The following AP2A2 variants were observed in gnomAD, a reference collection of about 807,000 sequenced individuals.
AP2A2 encodes the protein adaptor related protein complex 2 subunit alpha 2.
Under a neutral mutation model 104.2 loss-of-function variants are expected in AP2A2, and 32 were observed. The ratio of observed to expected loss-of-function variants is 0.31; its 90% CI spans 0.23 to 0.41. AP2A2 has a LOEUF of 0.41. AP2A2 is among the 10% of genes least tolerant of loss of function. AP2A2 has a pLI of 1.00. For synonymous variants in AP2A2, 539 were observed against 533.3 expected, an observed-to-expected ratio of 1.01 and a Z score of -0.15; for missense variants, 912 against 1,261.0, an observed-to-expected ratio of 0.72 and a Z score of 4.19.
chr11:1,010,830 G>A lies in AP2A2; in HGVS notation c.*205G>A. 3.1e-6 allele frequency: 2 copies of A among 646,920 alleles called. No homozygotes were observed. The highest frequency in any genetic ancestry group is 5.6e-6 in the Non-Finnish European group (2 of 358,254). The allele number at this position is 646,920 out of a possible 1,614,324, so 40.1% of individuals were successfully genotyped here. On this transcript the variant is annotated 3_prime_UTR_variant, in exon 22 of 22. Transcript: ENST00000448903. ...GAGGAAAAGCTCAGCCTGGACTGTG[G>A]CAGCCACGGCAGAAGGTGGATCTTG...
At chr11:985,297 A>T in intron 7 of AP2A2, 138 bp from the exon 8 acceptor site, 1 of 1,207,158 alleles carries the variant, frequency 8.3e-7, no homozygotes, top group Non-Finnish European at 1.1e-6. Context: ...TCAGTTTTGT[A>T]AATGCTTCCA....
At chr11:929,283 TAGG>T (rs756714882) in intron 1 of AP2A2, among the ~76,000 whole-genome samples, 2 of 152,090 alleles carry the variant, frequency 1.3e-5, no homozygotes, top group Non-Finnish European at 2.9e-5. Context: ...GAGTGAATGA[TAGG>T]AGTAGTCGGG....
intron 21 of AP2A2, chr11:1,010,230 A>T: frequency 2.0e-6 from 1 of 508,908 alleles, no homozygotes. Flanking sequence ...TCTCCGTTTC[A>T]CTTGGGTGGC....
chr11:1,004,485 C>T (rs1856138026), intron 16 of AP2A2, among the ~76,000 whole-genome samples: 2 of 150,460 alleles, frequency 1.3e-5, no homozygotes, highest in South Asian at 2.1e-4. Context: ...AATAAATAAA[C>T]AGACTGGCCT....
At chr11:986,741 C>T in intron 8 of AP2A2, 44 bp from the exon 9 acceptor site, 2 of 1,598,332 alleles carry the variant, frequency 1.3e-6, no homozygotes, top group South Asian at 1.1e-5. Flanking sequence ...GTTTGTGTTG[C>T]ACTTGCTGAG....
At chr11:1,000,067 A>G (rs1359588592) in intron 14 of AP2A2, among the ~76,000 whole-genome samples, 26 of 151,930 alleles carry the variant, frequency 1.7e-4, no homozygotes, top group Non-Finnish European at 1.5e-5. Context: ...CGGCCTCCCA[A>G]AGTGCTGGGA....
intron 14 of AP2A2, chr11:996,229 A>T (rs1855853447): frequency 6.6e-6 from 1 of 152,440 alleles, no homozygotes; most frequent in African/African-American, 2.4e-5. Flanking sequence ...CAGTTGGGTG[A>T]GGAGGCGAGG....
intron 1 of AP2A2, among the ~76,000 whole-genome samples, chr11:949,937 GAACA>G (rs1053660789): frequency 1.3e-5 from 2 of 152,136 alleles, no homozygotes; most frequent in African/African-American, 4.8e-5. Context: ...ATGCAAAAAA[GAACA>G]GGATTGGAGG....
intron 1 of AP2A2, chr11:933,510 G>A: frequency 2.2e-6 from 1 of 456,142 alleles, no homozygotes; most frequent in South Asian, 1.5e-5. Flanking sequence ...CCGTGTAGAA[G>A]TGGGGGCTGA....
At chr11:936,441 T>A (rs775348379) in intron 1 of AP2A2, among the ~76,000 whole-genome samples, 2 of 152,156 alleles carry the variant, frequency 1.3e-5, no homozygotes, top group Non-Finnish European at 2.9e-5. Flanking sequence ...TTGCCCAGGC[T>A]GGAGTGCAAT....
chr11:973,842 G>A (rs184001343), intron 4 of AP2A2, among the ~76,000 whole-genome samples: 411 of 152,312 alleles, frequency 2.7e-3, no homozygotes, highest in Non-Finnish European at 3.9e-3. Context: ...AAGCTTCCTG[G>A]GCTCTGAGGT....
chr11:963,458 G>A (rs933115036), intron 2 of AP2A2, among the ~76,000 whole-genome samples: 3 of 152,122 alleles, frequency 2.0e-5, no homozygotes, highest in East Asian at 1.9e-4. Flanking sequence ...ACAAGGTACC[G>A]AGTTATTTTA....
At chr11:932,172 C>G (rs998228550) in intron 1 of AP2A2, among the ~76,000 whole-genome samples, 2 of 152,196 alleles carry the variant, frequency 1.3e-5, no homozygotes, top group African/African-American at 4.8e-5. Flanking sequence ...AGGCTGGTCT[C>G]GAACTCTTGG....
chr11:952,594 G>A (rs1357902076), intron 1 of AP2A2, among the ~76,000 whole-genome samples: 1 of 152,124 alleles, frequency 6.6e-6, no homozygotes, highest in Non-Finnish European at 1.5e-5. Context: ...AGTGCTGATG[G>A]GCTGGCTGCA....
chr11:1,008,428 G>T, intron 18 of AP2A2: 1 of 373,210 alleles, frequency 2.7e-6, no homozygotes. Flanking sequence ...GACAGCCAGG[G>T]CCCCCGCGCC....
rs1159376146 is a variant in AP2A2, at chr11:977,100, C to G, written c.479C>G (p.Thr160Ser). Residue 160 changes from threonine (T) to serine (S), a missense_variant, in exon 5 of 22, where the codon ACT becomes AGT. Physicochemically the swap from Thr to Ser is moderately conservative, Grantham distance 58. Coordinates refer to ENST00000448903, the MANE Select transcript of AP2A2 (RefSeq NM_012305.4). ...EIPKVLVAGD[T>S]MDSVKQSAAL... ...TCTTGACGTCTGTCTTTCAGAGACACTATGGACAGCGTGAAGCAGAGCGCG... is the reference window on the plus strand; with the variant it reads ...TCTTGACGTCTGTCTTTCAGAGACAGTATGGACAGCGTGAAGCAGAGCGCG... The G allele has an allele frequency of 2.8e-5, 45 of 1,613,686 alleles. No individual in the cohort carries two copies. Among genetic ancestry groups the G allele is most frequent in the Non-Finnish European group, 3.6e-5 (42 of 1,179,806 alleles).
chr11:952,781 G>C (rs1854095527), intron 1 of AP2A2, among the ~76,000 whole-genome samples: 1 of 152,106 alleles, frequency 6.6e-6, no homozygotes, highest in Non-Finnish European at 1.5e-5. Flanking sequence ...TACCCTTTCA[G>C]AATTCAGCTC....
chr11:926,541 C>T (rs1422946548), intron 1 of AP2A2, among the ~76,000 whole-genome samples: 1 of 152,148 alleles, frequency 6.6e-6, no homozygotes, highest in East Asian at 1.9e-4. Flanking sequence ...ATGATGTCAC[C>T]TTGGTCTTTC....
rs779108325 is a variant in AP2A2, at chr11:1,008,053, G to T, written c.2338G>T (p.Gly780Trp). 8 of 1,579,260 alleles carry T rather than the reference G, an allele frequency of 5.1e-6. No homozygotes were observed. Among genetic ancestry groups the T allele is most frequent in the African/African-American group, 1.3e-5 (1 of 74,174 alleles). The change falls in exon 18 of 22, where the codon GGG (glycine) becomes TGG (tryptophan). Residue 780 changes from glycine (G) to tryptophan (W), a missense_variant. By Grantham distance (184) the Gly-to-Trp change is radical. Coordinates refer to ENST00000448903, the MANE Select transcript of AP2A2 (RefSeq NM_012305.4). ...CAAGCCCGTGGACCCGACCGTGGAG[G>T]GGGGCGCGCAGGTGCAGCAGGTGGT... Reference protein sequence around the residue: ...QTKPVDPTVEGGAQVQQVVNI... With the variant: ...QTKPVDPTVEWGAQVQQVVNI...
Sources: gnomAD v4.1 joint callset for allele counts (sites outside exome capture counted in the v4.1 genomes callset) on GRCh38, gnomAD v4.1.1 for gene constraint, MANE v1.5 for transcripts, NCBI Gene and HGNC (gene_info 2026-07-23, HGNC 2026-07-21) for gene names.